The following CFHR5 variants were observed in gnomAD, a reference collection of about 807,000 sequenced individuals.
CFHR5 encodes the protein complement factor H-related protein 5.
In CFHR5, 73 loss-of-function variants were observed where a neutral mutation model predicts 62.9. The observed-to-expected ratio is 1.16, with a 90% CI of 0.96 to 1.41. CFHR5 has a LOEUF of 1.41. CFHR5 is among the 40% of genes most tolerant of loss of function. The pLI is 0.00. For synonymous variants in CFHR5, 249 were observed against 227.2 expected (o/e 1.10, Z -0.86); for missense variants, 779 against 679.9 (o/e 1.15, Z -1.62).
chr1:197,005,462 TA>T (rs1654261974), intron 9 of CFHR5, among the ~76,000 whole-genome samples: 1 of 152,100 alleles, frequency 6.6e-6, no homozygotes, highest in Non-Finnish European at 1.5e-5. Flanking sequence ...TTTGTGGCAT[TA>T]AAAAAATTAA....
At chr1:196,978,937 T>C (rs1055607490) in intron 1 of CFHR5, among the ~76,000 whole-genome samples, 1 of 152,164 alleles carries the variant, frequency 6.6e-6, no homozygotes, top group African/African-American at 2.4e-5. Flanking sequence ...GGATAAACTT[T>C]AGTGAAATTC....
chr1:196,978,578 CTGACA>C lies in CFHR5; in HGVS notation c.58+858_58+862del. 1.3e-5 allele frequency among the ~76,000 whole-genome samples: 2 copies of C among 152,212 alleles called. 1 individual carries two copies. Among genetic ancestry groups the C allele is most frequent in the South Asian group, 4.2e-4 (2 of 4,814 alleles). ...TTTTTTGAACACTTTCTTCTCAGTCCTGACATAAGAGAAAAATATGAACCATAAAA... is the reference window on the plus strand; with the variant it reads ...TTTTTTGAACACTTTCTTCTCAGTCCTAAGAGAAAAATATGAACCATAAAA... On this transcript the variant is annotated intron_variant, in intron 1 of 9. Transcript: ENST00000256785.
chr1:197,006,499 G>T (rs1452518915), intron 9 of CFHR5, among the ~76,000 whole-genome samples: 1 of 151,980 alleles, frequency 6.6e-6, no homozygotes, highest in East Asian at 1.9e-4. Flanking sequence ...ATCACCTGAG[G>T]TCGGGAGTTC....
intron 7 of CFHR5, among the ~76,000 whole-genome samples, chr1:196,998,946 G>A (rs760666367): frequency 2.6e-5 from 4 of 151,900 alleles, no homozygotes; most frequent in Non-Finnish European, 5.9e-5. Flanking sequence ...AAAAGCCGAA[G>A]AAAATAAGGT....
At position 197,008,871 on chromosome 1, in the gene CFHR5, G is replaced by A. The variant is rs1654364272; in HGVS notation, c.*188G>A. The A allele has an allele frequency of 3.4e-6, 2 of 595,354 alleles. No individual in the cohort carries two copies. The highest frequency in any genetic ancestry group is 3.7e-5 in the African/African-American group (2 of 53,986). The allele number at this position is 595,354 out of a possible 1,614,324, so 36.9% of individuals were successfully genotyped here. ...TGAGAGAACAATGTTTCACTTAATA[G>A]GAGGGTGTCTTAGTCCATATTACAT... On this transcript the variant is annotated 3_prime_UTR_variant, in exon 10 of 10. Coordinates refer to ENST00000256785, the MANE Select transcript of CFHR5 (RefSeq NM_030787.4).
chr1:196,976,447 G>C (rs563479395), upstream of CFHR5, among the ~76,000 whole-genome samples: 1 of 152,076 alleles, frequency 6.6e-6, no homozygotes, highest in African/African-American at 2.4e-5. Flanking sequence ...TCCAGCAGGG[G>C]AGCAGAGCTT....
At chr1:196,993,337 C>G (rs1653897398) in intron 3 of CFHR5, among the ~76,000 whole-genome samples, 1 of 152,148 alleles carries the variant, frequency 6.6e-6, no homozygotes, top group African/African-American at 2.4e-5. Flanking sequence ...CTCTGTCACC[C>G]AGGCTGGAGT....
upstream of CFHR5, among the ~76,000 whole-genome samples, chr1:196,975,124 A>C (rs974165959): frequency 1.3e-5 from 2 of 152,190 alleles, no homozygotes; most frequent in South Asian, 4.2e-4. Flanking sequence ...GGTATTTCCA[A>C]ATGGAAGGGG....
rs777594999 is a variant in CFHR5 at position 196,995,790 on chromosome 1, T to G, written c.681T>G (p.Tyr227Ter). 3 of 1,612,692 alleles carry G rather than the reference T, an allele frequency of 1.9e-6. No homozygotes were observed. Among genetic ancestry groups the G allele is most frequent in the Admixed American group, 3.3e-5 (2 of 59,952 alleles). ...GEVKEIRKEE[Y>*]GHNEVVEYDC... is the part of the protein sequence containing the mutation. ...TTAAGGAGATAAGAAAAGAGGAATA[T>G]GGACACAATGAAGTAGTGGAATATG... is the stretch of plus-strand genomic sequence containing the variant. The change falls in exon 5 of 10, where the codon TAT becomes TAG. Residue 227 changes from tyrosine to a stop codon, truncating the protein, a stop_gained. Coordinates refer to ENST00000256785, the MANE Select transcript of CFHR5 (RefSeq NM_030787.4). LOFTEE classifies it high-confidence loss of function.
chr1:196,999,805 ATGTG>A (rs538840550), intron 7 of CFHR5, among the ~76,000 whole-genome samples: 79 of 135,372 alleles, frequency 5.8e-4, no homozygotes, highest in Admixed American at 1.6e-3. Context: ...GTGTATATAT[ATGTG>A]TGTGTGTGTG....
intron 1 of CFHR5, 81 bp downstream of exon 1, chr1:196,977,803 T>C: frequency 1.0e-6 from 1 of 1,001,640 alleles, no homozygotes; most frequent in Non-Finnish European, 1.6e-6. Flanking sequence ...ATACAAATAT[T>C]TTTAAATGAA....
At chr1:197,004,930 T>G (rs1654247046) in intron 9 of CFHR5, 87 bp downstream of exon 9, 1 of 1,012,624 alleles carries the variant, frequency 9.9e-7, no homozygotes. Flanking sequence ...AACCCTTACT[T>G]AAGTTTCATT....
rs183872068 is a variant in CFHR5, at chr1:196,984,763, C to T, written c.430+626C>T. Among the ~76,000 whole-genome samples, 54 of 152,280 alleles carry T rather than the reference C, an allele frequency of 3.5e-4. No individual in the cohort carries two copies. In the East Asian group the frequency reaches 0.01, roughly 29 times the overall value. On this transcript the variant is annotated intron_variant, in intron 3 of 9. Coordinates refer to ENST00000256785, the MANE Select transcript of CFHR5 (RefSeq NM_030787.4). ...TATGCTTACACACCTCAGTATTCAA[C>T]CAAACACTCAAGGAAACTTCCATAG...
chr1:196,993,179 T>C (rs1377049644), intron 3 of CFHR5, among the ~76,000 whole-genome samples: 2 of 152,172 alleles, frequency 1.3e-5, no homozygotes, highest in Non-Finnish European at 2.9e-5. Context: ...AAAACCTAGA[T>C]GGGTTTTTTA....
At chr1:196,977,115 T>A (rs918864420), upstream of CFHR5, among the ~76,000 whole-genome samples, 3 of 151,968 alleles carry the variant, frequency 2.0e-5, no homozygotes, top group Admixed American at 6.6e-5. Context: ...CCAGCAAAAA[T>A]AATTCTTGAT....
intron 1 of CFHR5, among the ~76,000 whole-genome samples, chr1:196,981,956 A>G (rs1037037202): frequency 2.6e-5 from 4 of 151,712 alleles, no homozygotes; most frequent in Non-Finnish European, 4.4e-5. Context: ...TGTATACAGC[A>G]TTTACCAGAA....
intron 9 of CFHR5, among the ~76,000 whole-genome samples, chr1:197,008,264 G>T (rs1287122678): frequency 6.6e-6 from 1 of 151,408 alleles, no homozygotes; most frequent in Non-Finnish European, 1.5e-5. Context: ...ACTAAACTGT[G>T]TAGCCTTGAG....
At chr1:196,997,903 C>A (rs993486741) in intron 6 of CFHR5, among the ~76,000 whole-genome samples, 1 of 152,138 alleles carries the variant, frequency 6.6e-6, no homozygotes, top group African/African-American at 2.4e-5. Flanking sequence ...CTTGCACTTT[C>A]ATTTCCCAGA....
chr1:196,999,770 C>T (rs961171919), intron 7 of CFHR5, among the ~76,000 whole-genome samples: 11 of 140,598 alleles, frequency 7.8e-5, no homozygotes, highest in African/African-American at 2.3e-4. Flanking sequence ...TACACACACA[C>T]ATATATGTAT....
Sources: gnomAD v4.1 joint callset for allele counts (sites outside exome capture counted in the v4.1 genomes callset) on GRCh38, gnomAD v4.1.1 for gene constraint, MANE v1.5 for transcripts, NCBI Gene and HGNC (gene_info 2026-07-23, HGNC 2026-07-21) for gene names.